The following CRACD variants were observed in gnomAD, a reference collection of about 807,000 sequenced individuals.
CRACD encodes capping protein-inhibiting regulator of actin dynamics.
Under a neutral mutation model 106.8 loss-of-function variants are expected in CRACD, and 56 were observed. The ratio of observed to expected loss-of-function variants is 0.52; its 90% CI spans 0.42 to 0.66. The LOEUF is 0.66. Ranked by LOEUF, CRACD falls within the 30% of genes least tolerant of loss-of-function variation. The pLI, the probability that CRACD is intolerant of heterozygous loss-of-function variation, is 0.00. For missense variants in CRACD, 1,730 were observed against 1,623.2 expected (o/e 1.07, Z -1.13); for synonymous variants, 754 against 670.8 (o/e 1.12, Z -1.92).
chr4:56,083,821 G>GA, intron 1 of CRACD, among the ~76,000 whole-genome samples: 1 of 152,024 alleles, frequency 6.6e-6, no homozygotes, highest in Non-Finnish European at 1.5e-5. Context: ...ACAAAAAACA[G>GA]AAAAAATTAG....
intron 3 of CRACD, chr4:56,288,542 T>A (rs1306190863): frequency 1.9e-5 from 3 of 155,712 alleles, no homozygotes; most frequent in East Asian, 1.8e-4. Flanking sequence ...ACCATGATAA[T>A]CTCCATATCG....
chr4:56,140,206 T>C (rs1009106232), intron 1 of CRACD, among the ~76,000 whole-genome samples: 7 of 152,196 alleles, frequency 4.6e-5, no homozygotes, highest in African/African-American at 1.7e-4. Flanking sequence ...TCACTTCAAC[T>C]GAGATGTTGA....
At chr4:56,326,813 C>T (rs1025296527) in intron 10 of CRACD, among the ~76,000 whole-genome samples, 1 of 149,388 alleles carries the variant, frequency 6.7e-6, no homozygotes, top group South Asian at 2.1e-4. Context: ...GATGTCGATT[C>T]ACTGCAACCT....
intron 2 of CRACD, among the ~76,000 whole-genome samples, chr4:56,267,564 T>C (rs1323689998): frequency 6.6e-6 from 1 of 152,232 alleles, no homozygotes; most frequent in African/African-American, 2.4e-5. Context: ...ATAGCATCTA[T>C]GTTCTGAGTC....
At chr4:56,173,036 G>A (rs557589677) in intron 1 of CRACD, among the ~76,000 whole-genome samples, 19 of 152,326 alleles carry the variant, frequency 1.2e-4, no homozygotes, top group Admixed American at 2.6e-4. Context: ...GATTACAGGC[G>A]TGAGCCACCG....
At chr4:56,062,631 A>C (rs547899097) in intron 1 of CRACD, among the ~76,000 whole-genome samples, 3 of 152,306 alleles carry the variant, frequency 2.0e-5, no homozygotes, top group Admixed American at 6.5e-5. Flanking sequence ...AGAGTGGTAG[A>C]CTGTAGTTTC....
chr4:56,237,721 T>TACACAC (rs36207795), intron 2 of CRACD, among the ~76,000 whole-genome samples: 78 of 144,414 alleles, frequency 5.4e-4, no homozygotes, highest in African/African-American at 1.6e-3. Flanking sequence ...AGATATTACA[T>TACACAC]ACACACACAC....
intron 2 of CRACD, among the ~76,000 whole-genome samples, chr4:56,253,882 G>T (rs1356948840): frequency 6.6e-6 from 1 of 152,140 alleles, no homozygotes; most frequent in African/African-American, 2.4e-5. Flanking sequence ...ACCATAAAAG[G>T]ACAGAGGACA....
At chr4:56,313,446 G>A in intron 7 of CRACD, 67 bp downstream of exon 7, 3 of 1,450,834 alleles carry the variant, frequency 2.1e-6, no homozygotes, top group South Asian at 2.5e-5. Flanking sequence ...TTCTACAAGT[G>A]GGTTGGCATT....
At chr4:56,060,761 T>C (rs367735635) in intron 1 of CRACD, among the ~76,000 whole-genome samples, 1 of 152,140 alleles carries the variant, frequency 6.6e-6, no homozygotes. Flanking sequence ...GTGATTATAA[T>C]GGTCGTGAGG....
chr4:56,164,682 G>C (rs1375203199), intron 1 of CRACD, among the ~76,000 whole-genome samples: 3 of 152,174 alleles, frequency 2.0e-5, no homozygotes. Flanking sequence ...TACAGAAGGA[G>C]TCTGAGGGAA....
intron 1 of CRACD, among the ~76,000 whole-genome samples, chr4:56,131,224 C>T (rs1734814732): frequency 6.6e-6 from 1 of 152,158 alleles, no homozygotes; most frequent in African/African-American, 2.4e-5. Context: ...TAGATTGGTC[C>T]AAGTCACTTA....
intron 1 of CRACD, among the ~76,000 whole-genome samples, chr4:56,069,559 A>G (rs74909715): frequency 0.011 from 1,636 of 152,252 alleles, 30 homozygotes; most frequent in African/African-American, 0.037. Flanking sequence ...CTCCCTTCCT[A>G]AGTATCAAGG....
chr4:56,070,577 T>A (rs1577943086), intron 1 of CRACD, among the ~76,000 whole-genome samples: 1 of 152,248 alleles, frequency 6.6e-6, no homozygotes, highest in Non-Finnish European at 1.5e-5. Flanking sequence ...GTGAGCCACC[T>A]TGCCCGGCCC....
chr4:56,141,047 G>A (rs555816765), intron 1 of CRACD, among the ~76,000 whole-genome samples: 1 of 152,340 alleles, frequency 6.6e-6, no homozygotes, highest in South Asian at 2.1e-4. Flanking sequence ...GTCAGTGAAA[G>A]AGGAGGGCTT....
In CRACD at chr4:56,297,556, G is replaced by A. The variant is rs115794779; in HGVS notation, c.-16-658G>A. On this transcript the variant is annotated intron_variant, in intron 3 of 10. Coordinates refer to ENST00000682029, the MANE Select transcript of CRACD (RefSeq NM_001393381.1). ...ATCACACCACTGCACTCCAGCCTGGGCAACAGAATAAAACCTTGTCTCTAA... is the reference window on the plus strand; with the variant it reads ...ATCACACCACTGCACTCCAGCCTGGACAACAGAATAAAACCTTGTCTCTAA... Among the ~76,000 whole-genome samples the A allele has an allele frequency of 4.7e-3, 714 of 152,094 alleles. 4 individuals carry two copies. The highest frequency in any genetic ancestry group is 0.016 in the African/African-American group (684 of 41,480).
intron 1 of CRACD, among the ~76,000 whole-genome samples, chr4:56,127,516 A>C (rs1223893357): frequency 6.6e-6 from 1 of 152,250 alleles, no homozygotes; most frequent in Non-Finnish European, 1.5e-5. Context: ...TATGTTTCCT[A>C]GAATTCCTTC....
intron 1 of CRACD, among the ~76,000 whole-genome samples, chr4:56,176,388 A>G (rs1437585692): frequency 6.6e-6 from 1 of 151,254 alleles, no homozygotes; most frequent in Non-Finnish European, 1.5e-5. Context: ...ATTTAACAAT[A>G]TTAATTCTTT....
At chr4:56,067,991 T>C (rs772319149) in intron 1 of CRACD, among the ~76,000 whole-genome samples, 2 of 152,194 alleles carry the variant, frequency 1.3e-5, no homozygotes, top group Non-Finnish European at 2.9e-5. Flanking sequence ...GGAGATGTCC[T>C]TGCCCTCGTG....
Sources: allele counts gnomAD v4.1 joint callset (sites outside exome capture counted in the v4.1 genomes callset), GRCh38; gene constraint gnomAD v4.1.1; transcripts MANE v1.5; gene names NCBI Gene and HGNC (gene_info 2026-07-23, HGNC 2026-07-21).